PLA2G4E: variants seen among roughly 807,000 people sequenced by gnomAD.
The protein encoded by PLA2G4E is cytosolic phospholipase A2 epsilon.
PLA2G4E carries 84 observed loss-of-function variants against 109.1 expected under a neutral mutation model. The observed-to-expected ratio is 0.77, with a 90% CI of 0.65 to 0.92. The LOEUF is 0.92. PLA2G4E is among the 40% of genes least tolerant of loss of function. PLA2G4E has a pLI of 0.00. For missense variants in PLA2G4E, 1,057 were observed against 1,076.6 expected (o/e 0.98, Z 0.25); for synonymous variants, 469 against 436.1 (o/e 1.08, Z -0.94).
chr15:42,003,737 C>T (rs1196337420), intron 5 of PLA2G4E, among the ~76,000 whole-genome samples: 3 of 152,256 alleles, frequency 2.0e-5, no homozygotes, highest in Non-Finnish European at 2.9e-5. Context: ...CACCTGTCAT[C>T]CTCCTTCTGT....
intron 1 of PLA2G4E, among the ~76,000 whole-genome samples, chr15:42,033,001 T>A (rs949574321): frequency 6.6e-6 from 1 of 151,992 alleles, no homozygotes; most frequent in East Asian, 1.9e-4. Flanking sequence ...AGAACAGGTA[T>A]GTATGTGAGT....
At chr15:42,013,581 G>T in intron 2 of PLA2G4E, 104 bp downstream of exon 2, 2 of 1,097,510 alleles carry the variant, frequency 1.8e-6, no homozygotes, top group Non-Finnish European at 2.7e-6. Flanking sequence ...GCACACGTGC[G>T]CGCGCACACA....
intron 1 of PLA2G4E, among the ~76,000 whole-genome samples, chr15:42,045,316 C>A (rs1299572994): frequency 2.0e-5 from 3 of 152,020 alleles, no homozygotes; most frequent in African/African-American, 7.2e-5. Context: ...GAGGGAAGGG[C>A]ATGAGCTGGG....
chr15:41,996,183 C>A (rs2598468), intron 11 of PLA2G4E, among the ~76,000 whole-genome samples: 1 of 151,378 alleles, frequency 6.6e-6, no homozygotes, highest in African/African-American at 2.4e-5. Context: ...CCCATCTCTA[C>A]AAAAAAATAC....
intron 16 of PLA2G4E, 54 bp from the exon 17 acceptor site, chr15:41,987,429 T>G (rs2068160995): frequency 1.3e-6 from 2 of 1,548,800 alleles, no homozygotes; most frequent in Non-Finnish European, 1.8e-6. Context: ...GTCCCCAGAT[T>G]GCCTATGCGA....
At chr15:41,989,086 C>T (rs1318291858) in intron 15 of PLA2G4E, among the ~76,000 whole-genome samples, 20 of 152,160 alleles carry the variant, frequency 1.3e-4, no homozygotes, top group Non-Finnish European at 1.5e-5. Context: ...CTGTGGTCTC[C>T]CTGGACCCTC....
chr15:42,035,484 C>A (rs1376574864), intron 1 of PLA2G4E, among the ~76,000 whole-genome samples: 1 of 152,212 alleles, frequency 6.6e-6, no homozygotes, highest in Non-Finnish European at 1.5e-5. Flanking sequence ...ATGGGAGAGG[C>A]AACCATGCTT....
chr15:41,997,799 A>G (rs2068365935), intron 10 of PLA2G4E: 2 of 152,164 alleles, frequency 1.3e-5, no homozygotes, highest in Admixed American at 6.5e-5. Context: ...TGTGTGTGCA[A>G]TTGACAAAAA....
At chr15:41,990,494 A>G (rs2068226004) in intron 13 of PLA2G4E, among the ~76,000 whole-genome samples, 1 of 152,016 alleles carries the variant, frequency 6.6e-6, no homozygotes, top group African/African-American at 2.4e-5. Flanking sequence ...TCAGAGTCCC[A>G]GGGTCTTGGT....
At chr15:42,005,412 G>A (rs1039933925) in intron 4 of PLA2G4E, among the ~76,000 whole-genome samples, 7 of 152,200 alleles carry the variant, frequency 4.6e-5, no homozygotes, top group African/African-American at 1.7e-4. Context: ...GGCCTCACTG[G>A]GCCTTACTTT....
chr15:42,034,201 C>T (rs1889168262), intron 1 of PLA2G4E, among the ~76,000 whole-genome samples: 1 of 152,230 alleles, frequency 6.6e-6, no homozygotes, highest in Non-Finnish European at 1.5e-5. Flanking sequence ...TCCAGGCAAA[C>T]TGGGATGATC....
chr15:42,013,587 A>G (rs540395009), intron 2 of PLA2G4E, 98 bp downstream of exon 2: 275 of 1,038,188 alleles, frequency 2.6e-4, no homozygotes, highest in African/African-American at 2.6e-3. Context: ...GTGCGCGCGC[A>G]CACACACACA....
intron 1 of PLA2G4E, among the ~76,000 whole-genome samples, chr15:42,015,241 C>T (rs1189820230): frequency 6.6e-6 from 1 of 152,200 alleles, no homozygotes; most frequent in African/African-American, 2.4e-5. Context: ...TTCTGCCTCC[C>T]AGAGGCCCTG....
chr15:41,990,764 T>TA (rs2068234078), intron 13 of PLA2G4E, among the ~76,000 whole-genome samples: 2 of 123,400 alleles, frequency 1.6e-5, no homozygotes, highest in Non-Finnish European at 1.6e-5. Flanking sequence ...TTTTTTTTTT[T>TA]AACAAAAGAC....
intron 1 of PLA2G4E, among the ~76,000 whole-genome samples, chr15:42,040,757 C>T (rs1889301257): frequency 1.3e-5 from 2 of 152,150 alleles, no homozygotes; most frequent in South Asian, 2.1e-4. Context: ...CAGAACTTCG[C>T]TGAACATTGG....
Position 41,989,670 on chromosome 15 carries a change from G to A in PLA2G4E, c.1586-118C>T, listed in dbSNP as rs1328284781. On this transcript the variant is annotated intron_variant, in intron 14 of 19. Coordinates refer to ENST00000399518, the Ensembl canonical transcript of PLA2G4E. ...GCCTTGGAAAGCCTGGGACAGGGAG[G>A]CCGCAGTTCCCCCAAAGGACACATG... 15 of 1,368,734 alleles carry A rather than the reference G, an allele frequency of 1.1e-5. No individual in the cohort carries two copies. In the East Asian group the frequency reaches 3.5e-4, roughly 32 times the overall value. 84.8% of individuals were successfully genotyped at this position (1,368,734 alleles called of 1,614,324 possible).
At chr15:41,999,939 CCAT>C (rs886427504) in exon 9 of PLA2G4E, 3 of 1,610,972 alleles carry the variant, frequency 1.9e-6, no homozygotes, top group Non-Finnish European at 1.7e-6. Context: ...CATCACCTGA[CCAT>C]CGGAAAGGCA....
chr15:41,991,325 G>A lies in PLA2G4E; in HGVS notation c.1471-1090C>T, dbSNP rs116429587. 4.6e-3 allele frequency among the ~76,000 whole-genome samples: 697 copies of A among 152,268 alleles called. 6 individuals carry two copies. Among genetic ancestry groups the A allele is most frequent in the African/African-American group, 0.016 (664 of 41,542 alleles). ...TCGGTGCTTCCTCCTCATCATATGCGGCACTCATGATTGTTACAATATTGT... is the reference window on the plus strand; with the variant it reads ...TCGGTGCTTCCTCCTCATCATATGCAGCACTCATGATTGTTACAATATTGT... On this transcript the variant is annotated intron_variant, in intron 13 of 19. Coordinates refer to ENST00000399518, the Ensembl canonical transcript of PLA2G4E.
intron 1 of PLA2G4E, among the ~76,000 whole-genome samples, chr15:42,036,668 C>A (rs887144000): frequency 1.3e-5 from 2 of 152,192 alleles, no homozygotes; most frequent in African/African-American, 4.8e-5. Context: ...GAGCTCATAG[C>A]CGTGTCGCCC....
Sources: gnomAD v4.1 joint callset for allele counts (sites outside exome capture counted in the v4.1 genomes callset) on GRCh38, gnomAD v4.1.1 for gene constraint, MANE v1.5 for transcripts, NCBI Gene and HGNC (gene_info 2026-07-23, HGNC 2026-07-21) for gene names.